The following GRIN2B variants were observed in gnomAD, a reference collection of about 807,000 sequenced individuals.
GRIN2B encodes the protein glutamate ionotropic receptor NMDA type subunit 2B, also known as glutamate receptor ionotropic, NMDA 2B.
Under a neutral mutation model 114.5 loss-of-function variants are expected in GRIN2B, and 5 were observed. The ratio of observed to expected loss-of-function variants is 0.04; its 90% CI spans 0.02 to 0.09. The LOEUF (loss-of-function observed/expected upper bound fraction) is 0.09, where lower values mean the gene tolerates loss of function less well. Ranked by LOEUF, GRIN2B falls within the 10% of genes least tolerant of loss-of-function variation. The pLI is 1.00. For missense variants in GRIN2B, 1,108 were observed against 1,943.5 expected (o/e 0.57, Z 8.08); for synonymous variants, 787 against 745.1 (o/e 1.06, Z -0.92).
chr12:13,777,952 A>G (rs1484919175), intron 3 of GRIN2B, among the ~76,000 whole-genome samples: 1 of 152,146 alleles, frequency 6.6e-6, no homozygotes, highest in Non-Finnish European at 1.5e-5. Flanking sequence ...CTATGGTTCT[A>G]CCTAAAACAA....
chr12:13,772,647 T>C (rs958645107), intron 3 of GRIN2B, among the ~76,000 whole-genome samples: 1 of 152,214 alleles, frequency 6.6e-6, no homozygotes, highest in African/African-American at 2.4e-5. Flanking sequence ...TTAAATCATG[T>C]CTGCACAGAG....
chr12:13,915,578 G>C (rs1048400397), intron 2 of GRIN2B, among the ~76,000 whole-genome samples: 15 of 152,238 alleles, frequency 9.9e-5, no homozygotes, highest in African/African-American at 3.6e-4. Context: ...TATATCCACA[G>C]TGTCCATTAT....
chr12:13,625,571 A>G (rs35891931), intron 5 of GRIN2B, among the ~76,000 whole-genome samples: 12,677 of 152,232 alleles, frequency 0.083, 564 homozygotes, highest in Non-Finnish European at 0.1. Flanking sequence ...ACTACAATTG[A>G]AAACATCAGT....
chr12:13,859,008 T>C (rs967818380), intron 3 of GRIN2B, among the ~76,000 whole-genome samples: 1 of 152,220 alleles, frequency 6.6e-6, no homozygotes, highest in African/African-American at 2.4e-5. Flanking sequence ...ACAAGTCTGG[T>C]TTTTGAGAAT....
intron 3 of GRIN2B, among the ~76,000 whole-genome samples, chr12:13,794,434 A>G (rs1049838242): frequency 2.0e-5 from 3 of 152,174 alleles, no homozygotes; most frequent in African/African-American, 7.2e-5. Flanking sequence ...ATGTCCAACT[A>G]GAATGAGCTA....
chr12:13,974,735 T>A (rs1220300366), intron 2 of GRIN2B, among the ~76,000 whole-genome samples: 1 of 151,996 alleles, frequency 6.6e-6, no homozygotes, highest in Non-Finnish European at 1.5e-5. Context: ...GATCCTGGGC[T>A]ACACCACTAG....
intron 4 of GRIN2B, among the ~76,000 whole-genome samples, chr12:13,700,839 A>C (rs756127994): frequency 6.6e-6 from 1 of 152,240 alleles, no homozygotes; most frequent in Non-Finnish European, 1.5e-5. Context: ...AAAATCCACA[A>C]TGGAAACTGT....
chr12:13,670,011 A>T (rs1316457911), intron 5 of GRIN2B, among the ~76,000 whole-genome samples: 1 of 151,826 alleles, frequency 6.6e-6, no homozygotes, highest in East Asian at 1.9e-4. Context: ...ATTCTGTTTT[A>T]CTACATTTTC....
At chr12:13,850,076 A>C (rs1208961533) in intron 3 of GRIN2B, among the ~76,000 whole-genome samples, 2 of 152,166 alleles carry the variant, frequency 1.3e-5, no homozygotes, top group Admixed American at 6.5e-5. Context: ...GGGACAATGG[A>C]AACAGCCTTT....
intron 4 of GRIN2B, 25 bp from the exon 5 acceptor site, chr12:13,675,884 A>G (rs1436348442): frequency 1.5e-6 from 2 of 1,308,660 alleles, no homozygotes; most frequent in Non-Finnish European, 2.2e-6. Flanking sequence ...TAAAAGGAAG[A>G]TTAAAAGTAT....
intron 5 of GRIN2B, among the ~76,000 whole-genome samples, chr12:13,643,073 T>G (rs952524726): frequency 6.6e-6 from 1 of 152,212 alleles, no homozygotes; most frequent in Non-Finnish European, 1.5e-5. Flanking sequence ...CAACTTAGTC[T>G]GTGAAGACGA....
intron 3 of GRIN2B, among the ~76,000 whole-genome samples, chr12:13,823,718 C>T (rs756478321): frequency 6.6e-6 from 1 of 152,108 alleles, no homozygotes; most frequent in Non-Finnish European, 1.5e-5. Context: ...AGGCAAACAT[C>T]CTTGCCTTTT....
At chr12:13,899,445 T>G (rs377127152) in intron 2 of GRIN2B, among the ~76,000 whole-genome samples, 9 of 106,322 alleles carry the variant, frequency 8.5e-5, no homozygotes, top group African/African-American at 2.4e-4. Flanking sequence ...AGGTACCTTA[T>G]GTAAGCCATG....
intron 2 of GRIN2B, among the ~76,000 whole-genome samples, chr12:13,895,423 G>T (rs1382029647): frequency 6.6e-6 from 1 of 152,164 alleles, no homozygotes; most frequent in Non-Finnish European, 1.5e-5. Flanking sequence ...GCAGTTGGAA[G>T]TATGTGGCTG....
At chr12:13,945,266 A>G (rs970067307) in intron 2 of GRIN2B, among the ~76,000 whole-genome samples, 3 of 152,206 alleles carry the variant, frequency 2.0e-5, no homozygotes, top group African/African-American at 7.2e-5. Context: ...CATTGAAGGT[A>G]TCATTGTTAT....
intron 2 of GRIN2B, among the ~76,000 whole-genome samples, chr12:13,941,365 C>G (rs1446870969): frequency 2.6e-5 from 4 of 152,184 alleles, no homozygotes; most frequent in Non-Finnish European, 4.4e-5. Context: ...GCTGACAACT[C>G]CAGTCATATG....
At chr12:13,817,665 T>A (rs568334940) in intron 3 of GRIN2B, among the ~76,000 whole-genome samples, 1 of 152,326 alleles carries the variant, frequency 6.6e-6, no homozygotes, top group East Asian at 1.9e-4. Flanking sequence ...AGAATGGTTA[T>A]TATTTTTTTA....
intron 3 of GRIN2B, among the ~76,000 whole-genome samples, chr12:13,857,000 C>T (rs1481690470): frequency 1.3e-5 from 2 of 152,144 alleles, no homozygotes; most frequent in Admixed American, 1.3e-4. Context: ...CTCTTGTCAT[C>T]ATAATTTTTG....
chr12:13,979,528 GAAAAAAA>G (rs201870750), intron 2 of GRIN2B, among the ~76,000 whole-genome samples: 4 of 101,816 alleles, frequency 3.9e-5, no homozygotes, highest in Admixed American at 1.1e-4. Flanking sequence ...AAGCCAACCT[GAAAAAAA>G]AAAAAAAAAA....
Sources: gnomAD v4.1 joint callset for allele counts (sites outside exome capture counted in the v4.1 genomes callset) on GRCh38, gnomAD v4.1.1 for gene constraint, MANE v1.5 for transcripts, NCBI Gene and HGNC (gene_info 2026-07-23, HGNC 2026-07-21) for gene names.